The following SPTBN4 variants were observed in gnomAD, a reference collection of about 807,000 sequenced individuals.
The protein encoded by SPTBN4 is spectrin beta, non-erythrocytic 4, also known as spectrin beta chain, non-erythrocytic 4.
SPTBN4 carries 96 observed loss-of-function variants against 277.8 expected under a neutral mutation model. That is an observed-to-expected ratio of 0.35 (90% CI 0.29 to 0.41). SPTBN4 has a LOEUF of 0.41. SPTBN4 is among the 10% of genes least tolerant of loss of function. The pLI is 1.00. For synonymous variants in SPTBN4, 1,481 were observed against 1,580.3 expected, an observed-to-expected ratio of 0.94 and a Z score of 1.49; for missense variants, 3,006 against 3,595.7, an observed-to-expected ratio of 0.84 and a Z score of 4.19.
chr19:40,553,831 G>C (rs1476052980), intron 22 of SPTBN4, among the ~76,000 whole-genome samples: 1 of 152,116 alleles, frequency 6.6e-6, no homozygotes, highest in Non-Finnish European at 1.5e-5. Flanking sequence ...ATCTTGGGTC[G>C]GCAAGCGGCT....
chr19:40,548,567 T>C (rs538661362), intron 20 of SPTBN4, among the ~76,000 whole-genome samples: 4 of 151,958 alleles, frequency 2.6e-5, no homozygotes, highest in African/African-American at 9.6e-5. Flanking sequence ...ATACAAAAAT[T>C]AGCCGGGCAT....
At chr19:40,562,967 T>G (rs570096379) in intron 27 of SPTBN4, among the ~76,000 whole-genome samples, 1 of 152,110 alleles carries the variant, frequency 6.6e-6, no homozygotes, top group Non-Finnish European at 1.5e-5. Flanking sequence ...ATCCCAACAC[T>G]GGGAGGCCAA....
rs1200774937 is a variant in SPTBN4 at position 40,543,247 on chromosome 19, G to A, written c.4360-5942G>A. On this transcript the variant is annotated intron_variant, in intron 20 of 35. Coordinates refer to ENST00000598249, the MANE Select transcript of SPTBN4 (RefSeq NM_020971.3). ...GGAGGATTGCTTGAGGCCAGGAGTT[G>A]GAGACCCGCCTGGCCAACACAGCGA... 2.0e-5 allele frequency among the ~76,000 whole-genome samples: 3 copies of A among 152,062 alleles called. No homozygotes were observed. The East Asian group carries it at 5.8e-4, about 29-fold the overall frequency.
chr19:40,501,945 A>T lies in SPTBN4; in HGVS notation c.809A>T (p.Glu270Val). Residue 270 changes from glutamate to valine, a missense_variant, in exon 8 of 36, where the codon GAG becomes GTG. Physicochemically the swap from Glu to Val is moderately radical, Grantham distance 121. This residue lies in a region of SPTBN4 where 1,759 missense variants were observed against 2,061.5 expected (regional missense o/e 0.85). Transcript: ENST00000598249. ...GATGTGAACATGGAGGCTCCAGATGAGAAGTCCATCATCACCTACGTGGTC... is the reference window on the plus strand; with the variant it reads ...GATGTGAACATGGAGGCTCCAGATGTGAAGTCCATCATCACCTACGTGGTC... ...PEDVNMEAPD[E>V]KSIITYVVSF... 6.2e-7 allele frequency: 1 copy of T among 1,614,222 alleles called. No homozygotes were observed. Among genetic ancestry groups the T allele is most frequent in the Non-Finnish European group, 8.5e-7 (1 of 1,180,028 alleles).
chr19:40,492,723 G>C (rs767569188), intron 4 of SPTBN4, among the ~76,000 whole-genome samples: 3 of 152,100 alleles, frequency 2.0e-5, no homozygotes, highest in Non-Finnish European at 2.9e-5. Context: ...AAGTGGCCCA[G>C]ATGCTCAGTT....
At chr19:40,531,460 G>GTTTGT (rs1568816191) in intron 18 of SPTBN4, among the ~76,000 whole-genome samples, 3 of 81,402 alleles carry the variant, frequency 3.7e-5, no homozygotes, top group African/African-American at 5.2e-5. Flanking sequence ...GGAGTCCAGT[G>GTTTGT]TTTGTTTTTT....
intron 20 of SPTBN4, among the ~76,000 whole-genome samples, chr19:40,546,680 C>T (rs1969124275): frequency 6.6e-6 from 1 of 152,042 alleles, no homozygotes; most frequent in Admixed American, 6.6e-5. Context: ...ATCTTTATGA[C>T]AAATTTCAAA....
intron 26 of SPTBN4, among the ~76,000 whole-genome samples, chr19:40,558,797 G>A (rs1488922249): frequency 2.0e-5 from 3 of 151,882 alleles, no homozygotes; most frequent in South Asian, 2.1e-4. Context: ...TAGTAGAGAC[G>A]GGATTTCACC....
chr19:40,566,020 C>A, intron 29 of SPTBN4, 143 bp from the exon 30 acceptor site: 1 of 866,486 alleles, frequency 1.2e-6, no homozygotes, highest in Non-Finnish European at 1.7e-6. Flanking sequence ...ATAGCCCCAG[C>A]CTCTGCCATT....
chr19:40,480,219 C>T (rs1437677641), intron 2 of SPTBN4, among the ~76,000 whole-genome samples: 2 of 149,472 alleles, frequency 1.3e-5, no homozygotes, highest in Admixed American at 6.7e-5. Flanking sequence ...CCACTGCACT[C>T]CAGCCGGGGT....
In SPTBN4 at chr19:40,519,518, G is replaced by A. The variant is rs1247712401; in HGVS notation, c.3021G>A (p.Arg1007=). Residue 1007 remains arginine (R), a synonymous_variant, in exon 16 of 36, where the codon CGG becomes CGA. Coordinates refer to ENST00000598249, the MANE Select transcript of SPTBN4 (RefSeq NM_020971.3). The surrounding 1 kb of genome is among the most constrained non-coding windows in gnomAD (Gnocchi z 5.7). ...TGCGCGCCCAGGTGCGTGAGAAGCG[G>A]AGAGCTGTGGAGAGCGCGCCCCGGG... ...AEVRAQVREK[R]RAVESAPRAG... is the part of the protein sequence containing the mutation. 1 of 1,598,456 alleles carries A rather than the reference G, an allele frequency of 6.3e-7. No individual in the cohort carries two copies. Among genetic ancestry groups the A allele is most frequent in the East Asian group, 2.3e-5 (1 of 42,910 alleles).
At chr19:40,557,598 T>C (rs1197599389) in intron 26 of SPTBN4, among the ~76,000 whole-genome samples, 195 bp downstream of exon 26, 2 of 152,040 alleles carry the variant, frequency 1.3e-5, no homozygotes, top group Non-Finnish European at 2.9e-5. Flanking sequence ...AGAAATCAGG[T>C]ATTGGCAGGG....
chr19:40,531,464 GTTTTTTTTTTTTTTTT>G (rs71173645), intron 18 of SPTBN4, among the ~76,000 whole-genome samples: 553 of 40,906 alleles, frequency 0.014, 7 homozygotes, highest in African/African-American at 0.038. Flanking sequence ...TCCAGTGTTT[GTTTTTTTTTTTTTTTT>G]TTTTTTTTTT....
At chr19:40,503,085 C>T in intron 11 of SPTBN4, 152 bp downstream of exon 11, 1 of 1,014,636 alleles carries the variant, frequency 9.9e-7, no homozygotes. Flanking sequence ...GGAGACTTGG[C>T]CTTCCAAGTG....
intron 20 of SPTBN4, among the ~76,000 whole-genome samples, chr19:40,544,122 TTCC>T (rs1413836639): frequency 4.9e-5 from 6 of 123,174 alleles, no homozygotes; most frequent in Non-Finnish European, 1.0e-4. Flanking sequence ...CTTCTTCTTC[TTCC>T]TCTTTTTTTT....
chr19:40,568,198 G>T lies in SPTBN4; in HGVS notation c.6872G>T (p.Arg2291Leu). The T allele has an allele frequency of 6.3e-7, 1 of 1,597,084 alleles. No homozygotes were observed. Among genetic ancestry groups the T allele is most frequent in the Non-Finnish European group, 8.5e-7 (1 of 1,172,290 alleles). ...CTGGGCCGCTATGAGCAGATGGAGC[G>T]GCGGCGCGAGCGGCGTGAGCGGCGC... ...LTLGRYEQME[R>L]RRERRERRLE... The change falls in exon 31 of 36, where the codon CGG becomes CTG. Residue 2291 changes from arginine (R) to leucine (L), a missense_variant. This residue lies in a region of SPTBN4 where 630 missense variants were observed against 677.6 expected (regional missense o/e 0.93). Coordinates refer to ENST00000598249, the MANE Select transcript of SPTBN4 (RefSeq NM_020971.3).
intron 17 of SPTBN4, among the ~76,000 whole-genome samples, chr19:40,525,972 G>C (rs1203421944): frequency 1.3e-5 from 2 of 151,986 alleles, no homozygotes; most frequent in Non-Finnish European, 2.9e-5. Context: ...CCACCCTGTG[G>C]GAGGAGTGGG....
At position 40,515,870 on chromosome 19, in the gene SPTBN4, GCGCACACACA is replaced by G. The variant is rs763126311; in HGVS notation, c.2903+424_2903+433del. ...AAACCCCGTCTCTCTCTCTACGTGC[GCGCACACACA>G]CACACACACACACACACACAAAATA... On this transcript the variant is annotated intron_variant, in intron 15 of 35. Coordinates refer to ENST00000598249, the MANE Select transcript of SPTBN4 (RefSeq NM_020971.3). This position sits in a 1 kb window ranked among gnomAD's most constrained non-coding sequence, Gnocchi z 4.1. Among the ~76,000 whole-genome samples the G allele has an allele frequency of 3.2e-5, 4 of 124,038 alleles. No individual in the cohort carries two copies. Among genetic ancestry groups the G allele is most frequent in the Non-Finnish European group, 6.6e-5 (4 of 60,886 alleles). 81.4% of individuals were successfully genotyped at this position (124,038 alleles called of 152,430 possible). A position where few individuals can be genotyped will look rare whatever the true frequency, so the allele number is the denominator to read the frequency against.
At chr19:40,512,477 G>A in intron 13 of SPTBN4, 129 bp from the exon 14 acceptor site, 1 of 1,235,124 alleles carries the variant, frequency 8.1e-7, no homozygotes, top group South Asian at 1.6e-5. Flanking sequence ...AGGCTGCCTG[G>A]AGGAGGAGCC....
Sources: gnomAD v4.1 joint callset for allele counts (sites outside exome capture counted in the v4.1 genomes callset) on GRCh38, gnomAD v4.1.1 for gene constraint, gnomAD v4.1.1 regional missense constraint, Gnocchi (gnomAD v3.1) non-coding constraint, MANE v1.5 for transcripts, NCBI Gene and HGNC (gene_info 2026-07-23, HGNC 2026-07-21) for gene names.